The following COX15 variants were observed in gnomAD, a reference collection of about 807,000 sequenced individuals.
COX15 encodes cytochrome c oxidase assembly factor COX15, also known as heme A synthase COX15.
In COX15, 51 loss-of-function variants were observed where a neutral mutation model predicts 51.9. The observed-to-expected ratio is 0.98, with a 90% CI of 0.78 to 1.24. The LOEUF (loss-of-function observed/expected upper bound fraction) is 1.24. Ranked by LOEUF, COX15 falls within the 50% of genes most tolerant of loss-of-function variation. COX15 has a pLI of 0.00. For missense variants in COX15, 420 were observed against 501.1 expected, an observed-to-expected ratio of 0.84 and a Z score of 1.55; for synonymous variants, 188 against 190.5, an observed-to-expected ratio of 0.99 and a Z score of 0.11.
At chr10:99,704,023 G>T in the COX15 span, among the ~76,000 whole-genome samples, 1 of 152,170 alleles carries the variant, frequency 6.6e-6, no homozygotes, top group Non-Finnish European at 1.5e-5. Flanking sequence ...ACTGCACTTG[G>T]CTGCATAGCA....
rs779088403 is a variant in COX15, at chr10:99,714,676, G to A, written c.1144C>T (p.Pro382Ser). ...CCTGACTGGTGAGTGGCGGCCAGAGGAGTTGGGACATACATCAGCAGCGTG... is the reference window on the plus strand; with the variant it reads ...CCTGACTGGTGAGTGGCGGCCAGAGAAGTTGGGACATACATCAGCAGCGTG... The part of the protein sequence containing the change: ...ISTLLMYVPT[P>S]LAATHQSGSL... Residue 382 changes from proline to serine, a missense_variant, in exon 9 of 9, where the codon CCT becomes TCT. Transcript: ENST00000016171. 1 of 1,614,032 alleles carries A rather than the reference G, an allele frequency of 6.2e-7. No homozygotes were observed. The highest frequency in any genetic ancestry group is 8.5e-7 in the Non-Finnish European group (1 of 1,180,028).
chr10:99,704,988 CT>C, the COX15 span: 1 of 334,526 alleles, frequency 3.0e-6, no homozygotes, highest in Non-Finnish European at 5.6e-6. Flanking sequence ...AGAATCTCAC[CT>C]TTTCTTCCCT....
intron 6 of COX15, among the ~76,000 whole-genome samples, chr10:99,720,381 G>A (rs2036721986): frequency 6.6e-6 from 1 of 152,148 alleles, no homozygotes; most frequent in Non-Finnish European, 1.5e-5. Flanking sequence ...GGGAGGCAGA[G>A]GTTGCAGTGA....
At chr10:99,698,348 T>C in the COX15 span, among the ~76,000 whole-genome samples, 3 of 151,228 alleles carry the variant, frequency 2.0e-5, no homozygotes, top group South Asian at 6.3e-4. Context: ...TATTCCTCTC[T>C]TTTTTTTCTA....
intron 8 of COX15, among the ~76,000 whole-genome samples, chr10:99,715,136 T>TTTTTG (rs777931517): frequency 3.5e-4 from 54 of 152,218 alleles, no homozygotes; most frequent in African/African-American, 4.6e-4. Context: ...ACCATAGTTT[T>TTTTTG]TTTTGTTTTG....
intron 1 of COX15, 29 bp from the exon 2 acceptor site, chr10:99,729,763 T>A: frequency 1.2e-6 from 2 of 1,612,256 alleles, no homozygotes; most frequent in Non-Finnish European, 8.5e-7. Flanking sequence ...AAATTACAAC[T>A]GGAGAAACAG....
At chr10:99,726,769 C>G (rs1208056101) in intron 4 of COX15, among the ~76,000 whole-genome samples, 199 bp downstream of exon 4, 1 of 151,924 alleles carries the variant, frequency 6.6e-6, no homozygotes, top group African/African-American at 2.4e-5. Flanking sequence ...TGCCTGCAGT[C>G]CCAGCTACCG....
the COX15 span, chr10:99,700,996 G>A: frequency 5.6e-6 from 9 of 1,613,688 alleles, no homozygotes; most frequent in African/African-American, 2.7e-5. Context: ...TGGCTTGGTC[G>A]GTACTAACTC....
chr10:99,731,799 A>G (rs1006953817), intron 1 of COX15, among the ~76,000 whole-genome samples, 161 bp downstream of exon 1: 9 of 152,252 alleles, frequency 5.9e-5, no homozygotes, highest in African/African-American at 1.9e-4. Flanking sequence ...CAGCAGGTCA[A>G]TGTTCCAGAT....
Position 99,731,947 on chromosome 10 carries a change from T to C in COX15, c.90+13A>G, listed in dbSNP as rs898119841. 1.9e-6 allele frequency: 3 copies of C among 1,605,152 alleles called. No individual in the cohort carries two copies. Among genetic ancestry groups the C allele is most frequent in the Admixed American group, 3.4e-5 (2 of 58,624 alleles). On this transcript the variant is annotated intron_variant, in intron 1 of 8. Coordinates refer to ENST00000016171, the MANE Select transcript of COX15 (RefSeq NM_078470.6). ...CCCGCTCCCGCGACTCGGAGTCCGC[T>C]GCAGTGCGGTACCTGTGCTCTAGGC... is the stretch of plus-strand genomic sequence containing the variant.
At position 99,711,798 on chromosome 10, in the gene COX15, T is replaced by G. The variant is rs1452484358; in HGVS notation, c.*2789A>C. ...AATTGACAAACTGTTTTGCTAAGAA[T>G]CACCTGTGTTAGTCGGCTTGCATTG... is the stretch of plus-strand genomic sequence containing the variant. On this transcript the variant is annotated 3_prime_UTR_variant, in exon 9 of 9. Coordinates refer to ENST00000016171, the MANE Select transcript of COX15 (RefSeq NM_078470.6). The G allele has an allele frequency of 1.0e-6, 1 of 985,442 alleles. No homozygotes were observed. Among genetic ancestry groups the G allele is most frequent in the South Asian group, 4.7e-5 (1 of 21,286 alleles). 61.0% of individuals were successfully genotyped at this position (985,442 alleles called of 1,614,324 possible). A position where few individuals can be genotyped will look rare whatever the true frequency, so the allele number is the denominator to read the frequency against.
At position 99,720,996 on chromosome 10, in the gene COX15, C is replaced by T; in HGVS notation, c.823G>A (p.Ala275Thr). The T allele has an allele frequency of 6.2e-7, 1 of 1,613,486 alleles. No homozygotes were observed. The highest frequency in any genetic ancestry group is 8.5e-7 in the Non-Finnish European group (1 of 1,179,794). ...ATGAGCTGAGTCCTACCTGAGAGGG[C>T]CGTAAGGAACACCAGACCTGCTGTT... Reference protein sequence around the residue: ...HGTAGLVFLTALSGAFVAGLD... With the variant: ...HGTAGLVFLTTLSGAFVAGLD... Residue 275 changes from alanine (A) to threonine (T), a missense_variant, in exon 6 of 9, where the codon GCC becomes ACC. Transcript: ENST00000016171.
the COX15 span, chr10:99,704,722 T>C: frequency 6.5e-7 from 1 of 1,548,536 alleles, no homozygotes; most frequent in South Asian, 1.2e-5. Context: ...CACCCCCGAG[T>C]TGCTGCTCAT....
chr10:99,698,595 G>A, the COX15 span: 1 of 1,614,218 alleles, frequency 6.2e-7, no homozygotes, highest in Middle Eastern at 1.6e-4. Flanking sequence ...CTGCCTGCCA[G>A]TGGGACTCAC....
At chr10:99,695,968 A>C in the COX15 span, 15 of 1,613,306 alleles carry the variant, frequency 9.3e-6, no homozygotes, top group Non-Finnish European at 1.1e-5. Flanking sequence ...AGAAGCTGCC[A>C]AGATCCTGCT....
At chr10:99,731,907 C>G in intron 1 of COX15, 53 bp downstream of exon 1, 1 of 1,560,380 alleles carries the variant, frequency 6.4e-7, no homozygotes, top group Non-Finnish European at 8.7e-7. Flanking sequence ...TTTATCCCGG[C>G]CCTTTCACTC....
intron 3 of COX15, 99 bp from the exon 4 acceptor site, chr10:99,727,253 C>T: frequency 6.9e-7 from 1 of 1,459,042 alleles, no homozygotes; most frequent in Non-Finnish European, 9.4e-7. Context: ...AGTCCTGCAA[C>T]TTGGTAGGTC....
At chr10:99,719,015 C>T (rs935558554) in intron 6 of COX15, among the ~76,000 whole-genome samples, 2 of 152,172 alleles carry the variant, frequency 1.3e-5, no homozygotes, top group Non-Finnish European at 2.9e-5. Context: ...TCATCTAGCA[C>T]ATTATGTTTC....
At chr10:99,724,209 A>G in intron 4 of COX15, 86 bp from the exon 5 acceptor site, 2 of 1,485,956 alleles carry the variant, frequency 1.3e-6, no homozygotes, top group Non-Finnish European at 1.9e-6. Flanking sequence ...TTTGAGACAG[A>G]GTCTCACTCT....
Sources: gnomAD v4.1 joint callset for allele counts (sites outside exome capture counted in the v4.1 genomes callset) on GRCh38, gnomAD v4.1.1 for gene constraint, MANE v1.5 for transcripts, NCBI Gene and HGNC (gene_info 2026-07-23, HGNC 2026-07-21) for gene names.